Variants in CMIP observed in about 807,000 individuals in gnomAD.
CMIP encodes the protein C-Maf-inducing protein.
In CMIP, 13 loss-of-function variants were observed where a neutral mutation model predicts 97.3. The observed-to-expected ratio is 0.13, with a 90% CI of 0.09 to 0.21. The LOEUF is 0.21. CMIP is among the 10% of genes least tolerant of loss of function. CMIP has a pLI of 1.00. For missense variants in CMIP, 847 were observed against 1,024.9 expected, an observed-to-expected ratio of 0.83 and a Z score of 2.37; for synonymous variants, 538 against 436.3, an observed-to-expected ratio of 1.23 and a Z score of -2.91.
chr16:81,586,432 T>G (rs931949551), intron 1 of CMIP, among the ~76,000 whole-genome samples: 1 of 152,130 alleles, frequency 6.6e-6, no homozygotes, highest in African/African-American at 2.4e-5. Flanking sequence ...CAGTGATCCT[T>G]GGGGGCCCAA....
intron 1 of CMIP, among the ~76,000 whole-genome samples, chr16:81,472,625 C>G (rs1057317686): frequency 1.3e-5 from 2 of 152,206 alleles, no homozygotes; most frequent in Non-Finnish European, 2.9e-5. Flanking sequence ...AATGTGTCAG[C>G]CAATCACCAG....
intron 3 of CMIP, among the ~76,000 whole-genome samples, chr16:81,649,536 A>G (rs1447129935): frequency 2.0e-5 from 3 of 152,244 alleles, no homozygotes; most frequent in African/African-American, 7.2e-5. Context: ...CTTCGCTGGA[A>G]TGATGTTCAC....
chr16:81,597,891 G>T (rs566149455), intron 1 of CMIP, among the ~76,000 whole-genome samples: 2 of 152,026 alleles, frequency 1.3e-5, no homozygotes, highest in East Asian at 3.9e-4. Context: ...TGGCAGAGCC[G>T]TGTCCCTCTC....
intron 10 of CMIP, among the ~76,000 whole-genome samples, chr16:81,679,503 CTGAG>C (rs1232425268): frequency 4.6e-5 from 7 of 152,016 alleles, no homozygotes; most frequent in Admixed American, 6.6e-5. Context: ...ATGCATGTGT[CTGAG>C]TGAGTGACGG....
chr16:81,644,581 C>A (rs1392443438), intron 3 of CMIP, among the ~76,000 whole-genome samples: 1 of 152,226 alleles, frequency 6.6e-6, no homozygotes, highest in East Asian at 1.9e-4. Flanking sequence ...GGAAGCTATT[C>A]TGGAGGACTC....
chr16:81,475,832 A>G (rs530373622), intron 1 of CMIP, among the ~76,000 whole-genome samples: 4 of 152,010 alleles, frequency 2.6e-5, no homozygotes, highest in Admixed American at 2.6e-4. Flanking sequence ...AAAAATACAA[A>G]CAAAATTAGC....
At chr16:81,532,201 C>CT (rs2090250974) in intron 1 of CMIP, among the ~76,000 whole-genome samples, 2 of 152,340 alleles carry the variant, frequency 1.3e-5, no homozygotes, top group South Asian at 4.1e-4. Context: ...GGAGTCCATG[C>CT]TTTCTGCGTA....
At chr16:81,546,933 T>G (rs1326726574) in intron 1 of CMIP, among the ~76,000 whole-genome samples, 1 of 152,212 alleles carries the variant, frequency 6.6e-6, no homozygotes, top group African/African-American at 2.4e-5. Flanking sequence ...AGTGCCGATG[T>G]AGAACATTCC....
Position 81,657,825 on chromosome 16 carries a change from C to T in CMIP, c.681+9C>T, listed in dbSNP as rs898309988. ...ATGAAAACATCATTGTGGTAAGTTC[C>T]TCTCGAACACGCTCCCTCCACCCAC... On this transcript the variant is annotated intron_variant, in intron 5 of 20. Coordinates refer to ENST00000537098, the MANE Select transcript of CMIP (RefSeq NM_198390.3). The T allele has an allele frequency of 1.2e-6, 2 of 1,601,014 alleles. No homozygotes were observed. Among genetic ancestry groups the T allele is most frequent in the African/African-American group, 2.7e-5 (2 of 74,704 alleles).
At chr16:81,613,748 C>G (rs191038890) in intron 2 of CMIP, among the ~76,000 whole-genome samples, 110 of 152,252 alleles carry the variant, frequency 7.2e-4, no homozygotes, top group African/African-American at 2.6e-3. Context: ...ACTTTCTTCG[C>G]TGAGCAGAAT....
intron 1 of CMIP, among the ~76,000 whole-genome samples, chr16:81,598,968 CAA>C (rs141717317): frequency 1.1e-3 from 56 of 49,852 alleles, no homozygotes; most frequent in African/African-American, 4.1e-3. Context: ...GACTCTGTCT[CAA>C]AAAAAAAAAA....
chr16:81,519,840 C>G (rs1212261779), intron 1 of CMIP: 1 of 152,236 alleles, frequency 6.6e-6, no homozygotes, highest in African/African-American at 2.4e-5. Context: ...TTCCTCTCCT[C>G]CAGCCCTCAG....
In CMIP at chr16:81,711,099, C is replaced by G. The variant is rs1053047748; in HGVS notation, c.*1300C>G. 1 of 150,022 alleles carries G rather than the reference C, an allele frequency of 6.7e-6. No individual in the cohort carries two copies. The highest frequency in any genetic ancestry group is 2.5e-5 in the African/African-American group (1 of 40,548). The allele number at this position is 150,022 out of a possible 1,614,324, so 9.3% of individuals were successfully genotyped here. On this transcript the variant is annotated 3_prime_UTR_variant, in exon 21 of 21. Transcript: ENST00000537098. ...CCACCTGCTCCGAAGACAAACCAAC[C>G]TCCGTTTCTTTTATAAACAGTCGGC... is the stretch of plus-strand genomic sequence containing the variant.
chr16:81,650,403 T>C (rs1479885305), intron 3 of CMIP, among the ~76,000 whole-genome samples: 2 of 151,594 alleles, frequency 1.3e-5, no homozygotes, highest in African/African-American at 4.9e-5. Context: ...GGCAGGTGGG[T>C]AGATGAAAGA....
intron 1 of CMIP, among the ~76,000 whole-genome samples, chr16:81,530,474 G>A (rs996930001): frequency 2.5e-4 from 38 of 151,908 alleles, no homozygotes; most frequent in African/African-American, 8.5e-4. Flanking sequence ...GGGAGGACGT[G>A]TCTTTTGTGG....
intron 1 of CMIP, among the ~76,000 whole-genome samples, chr16:81,508,082 TC>T (rs1242570416): frequency 6.6e-6 from 1 of 152,248 alleles, no homozygotes; most frequent in Non-Finnish European, 1.5e-5. Context: ...GGAGCATTCC[TC>T]CCCCAACCTT....
chr16:81,640,297 C>G (rs113978446), intron 3 of CMIP, among the ~76,000 whole-genome samples: 73 of 150,892 alleles, frequency 4.8e-4, no homozygotes, highest in Non-Finnish European at 4.6e-4. Flanking sequence ...CCCCCCCCCC[C>G]CCAATTCCCC....
Position 81,667,799 on chromosome 16 carries a change from A to AGAGAGTGTGT in CMIP, c.826-2342_826-2341insAGAGTGTGTG. On this transcript the variant is annotated intron_variant, in intron 7 of 20. Coordinates refer to ENST00000537098, the MANE Select transcript of CMIP (RefSeq NM_198390.3). ...GAGAGAGAGAGAGAGAGAGAGAGAGAGTGTGTGTGTGTGTGTGTGTGTGTG... is the reference window on the plus strand; with the variant it reads ...GAGAGAGAGAGAGAGAGAGAGAGAGAGAGAGTGTGTGTGTGTGTGTGTGTGTGTGTGTGTG... Among the ~76,000 whole-genome samples the AGAGAGTGTGT allele has an allele frequency of 2.0e-3, 118 of 58,130 alleles. 1 individual carries two copies. Among genetic ancestry groups the AGAGAGTGTGT allele is most frequent in the African/African-American group, 4.1e-3 (59 of 14,232 alleles). 38.1% of individuals were successfully genotyped at this position (58,130 alleles called of 152,430 possible).
At chr16:81,516,571 C>T (rs1028722045) in intron 1 of CMIP, among the ~76,000 whole-genome samples, 1 of 152,192 alleles carries the variant, frequency 6.6e-6, no homozygotes, top group African/African-American at 2.4e-5. Context: ...TCATCGCCGT[C>T]AGAGGAAGCC....
Sources: gnomAD v4.1 joint callset for allele counts (sites outside exome capture counted in the v4.1 genomes callset) on GRCh38, gnomAD v4.1.1 for gene constraint, MANE v1.5 for transcripts, NCBI Gene and HGNC (gene_info 2026-07-23, HGNC 2026-07-21) for gene names.